MPP4: variants seen among roughly 807,000 people sequenced by gnomAD.
MPP4 encodes the protein MAGUK p55 scaffold protein 4, also known as MAGUK p55 subfamily member 4.
A neutral mutation model predicts 98.3 loss-of-function variants in MPP4; 91 were observed. That is an observed-to-expected ratio of 0.93 (90% CI 0.78 to 1.10). MPP4 has a LOEUF of 1.10. Among genes scored for constraint, MPP4 ranks in the 50% least tolerant of loss-of-function variants. The pLI is 0.00. For synonymous variants in MPP4, 261 were observed against 271.8 expected, an observed-to-expected ratio of 0.96 and a Z score of 0.39; for missense variants, 744 against 792.9, an observed-to-expected ratio of 0.94 and a Z score of 0.74.
intron 1 of MPP4, among the ~76,000 whole-genome samples, chr2:201,694,632 T>TC (rs1689130923): frequency 7.0e-6 from 1 of 142,810 alleles, no homozygotes; most frequent in Admixed American, 7.0e-5. Flanking sequence ...TTTTTTTTTT[T>TC]TGAGACAGGG....
chr2:201,646,601 A>G (rs992477043), intron 21 of MPP4: 5 of 152,198 alleles, frequency 3.3e-5, no homozygotes, highest in Non-Finnish European at 7.3e-5. Flanking sequence ...AGACTCAGCA[A>G]ATACATTCAT....
intron 13 of MPP4, chr2:201,665,097 GCT>G (rs1475817113): frequency 1.5e-5 from 2 of 135,274 alleles, no homozygotes; most frequent in Non-Finnish European, 3.1e-5. Flanking sequence ...ACGGAGTCTC[GCT>G]CTGTCGCCCA....
In MPP4 at chr2:201,660,542, T is replaced by C. The variant is rs1208079; in HGVS notation, c.1073-196A>G. ...CTGAGAAACTGGTTTGCCCTGACTC[T>C]GCTGCTTGGGACAGTAACTTTTTCT... On this transcript the variant is annotated intron_variant, in intron 14 of 21. Transcript: ENST00000409474. Among the ~76,000 whole-genome samples, 529 of 152,314 alleles carry C rather than the reference T, an allele frequency of 3.5e-3. 3 individuals carry two copies. The highest frequency in any genetic ancestry group is 0.012 in the African/African-American group (500 of 41,574).
At position 201,692,904 on chromosome 2, in the gene MPP4, T is replaced by C; in HGVS notation, c.201+4A>G. 1 of 1,606,042 alleles carries C rather than the reference T, an allele frequency of 6.2e-7. No individual in the cohort carries two copies. Among genetic ancestry groups the C allele is most frequent in the Non-Finnish European group, 8.5e-7 (1 of 1,176,436 alleles). ...CAAAGGCTTCCGAGCAAAGAAGCAC[T>C]CACCTTTAGCAGAGCCTGAAGCCAC... On this transcript the variant is annotated splice_donor_region_variant and intron_variant, in intron 3 of 21. Coordinates refer to ENST00000409474, the MANE Select transcript of MPP4 (RefSeq NM_033066.3).
Position 201,692,916 on chromosome 2 carries a change from GAGCC to G in MPP4, c.189_192del (p.Gln63HisfsTer3). 6.2e-7 allele frequency: 1 copy of G among 1,608,144 alleles called. No homozygotes were observed. The highest frequency in any genetic ancestry group is 8.5e-7 in the Non-Finnish European group (1 of 1,177,404). On this transcript the variant is annotated frameshift_variant, in exon 3 of 22. Coordinates refer to ENST00000409474, the MANE Select transcript of MPP4 (RefSeq NM_033066.3). LOFTEE classifies it high-confidence loss of function. ...AGCAAAGAAGCACTCACCTTTAGCA[GAGCC>G]TGAAGCCACGGCGAGTGGAGGAGAT...
intron 1 of MPP4, among the ~76,000 whole-genome samples, chr2:201,695,854 G>T (rs556174189): frequency 6.6e-6 from 1 of 152,148 alleles, no homozygotes; most frequent in Non-Finnish European, 1.5e-5. Context: ...ACAACCAAGG[G>T]GTATGCGGTG....
intron 11 of MPP4, among the ~76,000 whole-genome samples, chr2:201,672,915 CA>C (rs1191841449): frequency 1.3e-5 from 2 of 151,944 alleles, no homozygotes; most frequent in East Asian, 1.9e-4. Flanking sequence ...GACACACACA[CA>C]AAAAAAATTT....
rs541041564 is a variant in MPP4 at position 201,661,480 on chromosome 2, C to T, written c.1073-1134G>A. On this transcript the variant is annotated intron_variant, in intron 14 of 21. Coordinates refer to ENST00000409474, the MANE Select transcript of MPP4 (RefSeq NM_033066.3). ...GCTCCTCAGAGAGCTGGGTTCAGAA[C>T]GTATCGATGCTTGAGAGTTCTCACT... 4 of 456,524 alleles carry T rather than the reference C, an allele frequency of 8.8e-6. No homozygotes were observed. The East Asian group carries it at 2.1e-4, about 24-fold the overall frequency. 28.3% of individuals were successfully genotyped at this position (456,524 alleles called of 1,614,324 possible).
chr2:201,652,892 A>G (rs1406481381), intron 18 of MPP4, among the ~76,000 whole-genome samples: 1 of 152,170 alleles, frequency 6.6e-6, no homozygotes, highest in Non-Finnish European at 1.5e-5. Flanking sequence ...TCTGGCTGCT[A>G]TTGGCTTTCT....
At chr2:201,689,693 C>A (rs973480490) in intron 4 of MPP4, among the ~76,000 whole-genome samples, 3 of 152,046 alleles carry the variant, frequency 2.0e-5, no homozygotes, top group Admixed American at 2.0e-4. Context: ...CTGGCCTGAG[C>A]ACTGCAAGAA....
At chr2:201,693,762 A>G (rs971910106) in intron 2 of MPP4, 114 bp downstream of exon 2, 36 of 1,296,590 alleles carry the variant, frequency 2.8e-5, no homozygotes, top group Admixed American at 3.5e-5. Context: ...AAAAATGTAC[A>G]AGATCCTCAT....
chr2:201,679,461 C>T (rs902743577), intron 10 of MPP4, among the ~76,000 whole-genome samples: 21 of 152,154 alleles, frequency 1.4e-4, no homozygotes, highest in African/African-American at 4.6e-4. Flanking sequence ...TATGATTTCT[C>T]ATTTCACTGA....
chr2:201,670,658 G>T (rs969307089), intron 11 of MPP4, among the ~76,000 whole-genome samples: 1 of 152,246 alleles, frequency 6.6e-6, no homozygotes, highest in Non-Finnish European at 1.5e-5. Flanking sequence ...TTTGATAAAT[G>T]AAAGTTTGTT....
rs1687529116 is a variant in MPP4, at chr2:201,645,252, C to T, written c.1872G>A (p.Trp624Ter). 1 of 1,613,622 alleles carries T rather than the reference C, an allele frequency of 6.2e-7. No homozygotes were observed. The highest frequency in any genetic ancestry group is 1.3e-5 in the African/African-American group (1 of 75,030). ...AIQKAQEEPQ[W>*]VPATWISSDT... is the part of the protein sequence containing the mutation. ...CTGAGGAAATCCATGTTGCTGGTAC[C>T]CACTGAGGCTCCTCCTGAGCCTTCT... The change falls in exon 22 of 22, where the codon TGG (tryptophan) becomes TGA (stop). Residue 624 changes from tryptophan (W) to a stop codon, truncating the protein, a stop_gained. Transcript: ENST00000409474. LOFTEE classifies it high-confidence loss of function.
At chr2:201,668,477 C>CCT (rs1553493948) in intron 12 of MPP4, among the ~76,000 whole-genome samples, 74 of 146,894 alleles carry the variant, frequency 5.0e-4, no homozygotes, top group East Asian at 2.2e-3. Context: ...CTCTTCTCTT[C>CCT]CTCTCTCTCT....
intron 1 of MPP4, 45 bp downstream of exon 1, chr2:201,698,542 G>T (rs1328816665): frequency 1.5e-6 from 2 of 1,294,144 alleles, no homozygotes; most frequent in Non-Finnish European, 2.0e-6. Flanking sequence ...GGCAGTTATG[G>T]ATACATCTTC....
intron 13 of MPP4, 191 bp from the exon 14 acceptor site, chr2:201,664,292 T>C: frequency 6.8e-7 from 1 of 1,465,962 alleles, no homozygotes; most frequent in African/African-American, 1.4e-5. Context: ...AAACACATGG[T>C]ATTCGGCAGT....
chr2:201,692,037 G>A (rs961619877), intron 3 of MPP4, among the ~76,000 whole-genome samples: 2 of 152,304 alleles, frequency 1.3e-5, no homozygotes, highest in African/African-American at 2.4e-5. Flanking sequence ...AAGAAAAAGA[G>A]CTGTGGGGAG....
chr2:201,695,635 A>C (rs1689156949), intron 1 of MPP4, among the ~76,000 whole-genome samples: 1 of 152,126 alleles, frequency 6.6e-6, no homozygotes, highest in African/African-American at 2.4e-5. Context: ...GTATTTACAC[A>C]CCAATGGCAA....
Sources: gnomAD v4.1 joint callset for allele counts (sites outside exome capture counted in the v4.1 genomes callset) on GRCh38, gnomAD v4.1.1 for gene constraint, MANE v1.5 for transcripts, NCBI Gene and HGNC (gene_info 2026-07-23, HGNC 2026-07-21) for gene names.